MEOX1: variants seen among roughly 807,000 people sequenced by gnomAD.
MEOX1 encodes mesenchyme homeobox 1, also known as homeobox protein MOX-1.
Under a neutral mutation model 23.2 loss-of-function variants are expected in MEOX1, and 17 were observed. The observed-to-expected ratio is 0.73, with a 90% CI of 0.50 to 1.10. The LOEUF (loss-of-function observed/expected upper bound fraction) is 1.10, where lower values mean the gene tolerates loss of function less well. Ranked by LOEUF, MEOX1 falls within the 50% of genes least tolerant of loss-of-function variation. The pLI is 0.00. For synonymous variants in MEOX1, 134 were observed against 135.1 expected, an observed-to-expected ratio of 0.99 and a Z score of 0.06; for missense variants, 333 against 332.2, an observed-to-expected ratio of 1.00 and a Z score of -0.02.
intron 1 of MEOX1, among the ~76,000 whole-genome samples, chr17:43,658,969 TC>T (rs1472463512): frequency 6.6e-6 from 1 of 152,146 alleles, no homozygotes; most frequent in Non-Finnish European, 1.5e-5. Flanking sequence ...TCCACCAAAG[TC>T]TGACCCTGAA....
chr17:43,643,241 G>A (rs2154588766), intron 2 of MEOX1, among the ~76,000 whole-genome samples: 1 of 152,342 alleles, frequency 6.6e-6, no homozygotes, highest in African/African-American at 2.4e-5. Flanking sequence ...GAACCCAGGA[G>A]GTGGAGGTTA....
chr17:43,641,870 G>A lies in MEOX1; in HGVS notation c.*40C>T, dbSNP rs758925826. The A allele has an allele frequency of 1.9e-6, 3 of 1,584,104 alleles. No individual in the cohort carries two copies. The highest frequency in any genetic ancestry group is 1.3e-5 in the African/African-American group (1 of 74,370). ...GGATTGGGGTGGGGGTAGTTGGGTA[G>A]GGGGCTCAGTCCTTAGTCATTTTTC... On this transcript the variant is annotated 3_prime_UTR_variant, in exon 3 of 3. Coordinates refer to ENST00000318579, the MANE Select transcript of MEOX1 (RefSeq NM_004527.4).
intron 1 of MEOX1, among the ~76,000 whole-genome samples, chr17:43,657,464 G>A (rs1973061896): frequency 4.0e-5 from 6 of 151,784 alleles, no homozygotes; most frequent in African/African-American, 7.3e-5. Context: ...TGGGATTATA[G>A]GCATGAGCCA....
Position 43,641,935 on chromosome 17 carries a change from G to A in MEOX1, c.740C>T (p.Ser247Phe), listed in dbSNP as rs905491534. 1.9e-6 allele frequency: 3 copies of A among 1,613,924 alleles called. No individual in the cohort carries two copies. Among genetic ancestry groups the A allele is most frequent in the Non-Finnish European group, 1.7e-6 (2 of 1,179,924 alleles). Residue 247 changes from serine to phenylalanine, a missense_variant, in exon 3 of 3, where the codon TCC (serine) becomes TTC (phenylalanine). By Grantham distance (155) the Ser-to-Phe change is radical. Coordinates refer to ENST00000318579, the MANE Select transcript of MEOX1 (RefSeq NM_004527.4). ...PNGQDPEDGDSTASPSSE is the reference protein window; with the variant it reads ...PNGQDPEDGDFTASPSSE ...TCACTCTGAACTTGGAGAGGCTGTG[G>A]AGTCCCCATCCTCAGGGTCCTGCCC... is the stretch of plus-strand genomic sequence containing the variant.
intron 1 of MEOX1, among the ~76,000 whole-genome samples, chr17:43,655,046 C>T (rs1358391086): frequency 3.3e-5 from 5 of 150,832 alleles, no homozygotes; most frequent in Middle Eastern, 3.2e-3. Flanking sequence ...AGTGAGACTC[C>T]GTCTCAAAAA....
In MEOX1 at chr17:43,661,177, T is replaced by C; in HGVS notation, c.358A>G (p.Ser120Gly). ...AGGSKEMGTS[S>G]LGLVDTTGGP... ...CCTGTGGTGTCCACCAGGCCCAGGC[T>C]GCTGGTCCCCATTTCCTTGGAACCC... Residue 120 changes from serine to glycine, a missense_variant, in exon 1 of 3, where the codon AGC becomes GGC. Coordinates refer to ENST00000318579, the MANE Select transcript of MEOX1 (RefSeq NM_004527.4). The C allele has an allele frequency of 1.9e-6, 3 of 1,602,516 alleles. No homozygotes were observed. Among genetic ancestry groups the C allele is most frequent in the South Asian group, 1.1e-5 (1 of 89,056 alleles).
intron 1 of MEOX1, among the ~76,000 whole-genome samples, chr17:43,655,731 A>G (rs1973006116): frequency 6.6e-6 from 1 of 151,788 alleles, no homozygotes. Context: ...AAACTTGAGG[A>G]CATTATGCCA....
chr17:43,657,374 A>C (rs1306634252), intron 1 of MEOX1, among the ~76,000 whole-genome samples: 1 of 144,562 alleles, frequency 6.9e-6, no homozygotes, highest in East Asian at 2.0e-4. Flanking sequence ...TTTAGTAGAG[A>C]TAGGGTTTCA....
At chr17:43,654,925 G>A (rs561836171) in intron 1 of MEOX1, among the ~76,000 whole-genome samples, 6 of 152,030 alleles carry the variant, frequency 3.9e-5, no homozygotes, top group Admixed American at 1.3e-4. Flanking sequence ...GGTGGTGGGC[G>A]CCTGTAGTCC....
Position 43,661,086 on chromosome 17 carries a change from C to T in MEOX1, c.449G>A (p.Arg150Lys). 6.7e-7 allele frequency: 1 copy of T among 1,499,394 alleles called. No homozygotes were observed. Among genetic ancestry groups the T allele is most frequent in the East Asian group, 2.4e-5 (1 of 42,494 alleles). 92.9% of individuals were successfully genotyped at this position (1,499,394 alleles called of 1,614,324 possible). A position where few individuals can be genotyped will look rare whatever the true frequency, so the allele number is the denominator to read the frequency against. Reference sequence around the variant, plus strand: ...CCTACCTGAACTCTCCTTTCTCCGCCTGGATGATTTCTTCTCTGTCTCATT... The same window carrying T: ...CCTACCTGAACTCTCCTTTCTCCGCTTGGATGATTTCTTCTCTGTCTCATT... ...TANETEKKSS[R>K]RRKESSDNQE... The change falls in exon 1 of 3, where the codon AGG becomes AAG. Residue 150 changes from arginine to lysine, a missense_variant. By Grantham distance (26) the Arg-to-Lys change is conservative. Coordinates refer to ENST00000318579, the MANE Select transcript of MEOX1 (RefSeq NM_004527.4).
Position 43,661,102 on chromosome 17 carries a change from C to G in MEOX1, c.433G>C (p.Glu145Gln), listed in dbSNP as rs1475507273. The G allele has an allele frequency of 1.6e-5, 24 of 1,502,384 alleles. No homozygotes were observed. The highest frequency in any genetic ancestry group is 4.7e-5 in the East Asian group (2 of 42,644). The allele number at this position is 1,502,384 out of a possible 1,614,324, so 93.1% of individuals were successfully genotyped here. The change falls in exon 1 of 3, where the codon GAG becomes CAG. Residue 145 changes from glutamate to glutamine, a missense_variant. Coordinates refer to ENST00000318579, the MANE Select transcript of MEOX1 (RefSeq NM_004527.4). ...TTTCTCCGCCTGGATGATTTCTTCT[C>G]TGTCTCATTGGCAGTGCTCCCAAGC... ...GVLGSTANET[E>Q]KKSSRRRKES...
Position 43,641,585 on chromosome 17 carries a change from G to A in MEOX1, c.*325C>T, listed in dbSNP as rs1369419565. The A allele has an allele frequency of 2.8e-5, 6 of 214,782 alleles. No homozygotes were observed. The highest frequency in any genetic ancestry group is 2.8e-5 in the Non-Finnish European group (3 of 107,742). The allele number at this position is 214,782 out of a possible 1,614,324, so 13.3% of individuals were successfully genotyped here. On this transcript the variant is annotated 3_prime_UTR_variant, in exon 3 of 3. Transcript: ENST00000318579. Reference sequence around the variant, plus strand: ...CTGACCTAGGAGAACAGCGGTAGGAGGAGGCATGGGTGGCAGCCAAGAGAC... The same window carrying A: ...CTGACCTAGGAGAACAGCGGTAGGAAGAGGCATGGGTGGCAGCCAAGAGAC...
intron 1 of MEOX1, among the ~76,000 whole-genome samples, chr17:43,658,506 C>CAAAA (rs56142635): frequency 1.8e-5 from 2 of 108,560 alleles, no homozygotes; most frequent in Admixed American, 8.7e-5. Context: ...GACTCCATCT[C>CAAAA]AAAAAAAAAA....
chr17:43,657,778 C>T (rs1030813721), intron 1 of MEOX1, among the ~76,000 whole-genome samples: 2 of 152,164 alleles, frequency 1.3e-5, no homozygotes, highest in Non-Finnish European at 2.9e-5. Context: ...TCTGAGACAG[C>T]ATAATTGAAA....
rs1304989164 is a variant in MEOX1 at position 43,661,286 on chromosome 17, C to T, written c.249G>A (p.Glu83=). Residue 83 remains glutamate, a synonymous_variant, in exon 1 of 3, where the codon GAG becomes GAA. Transcript: ENST00000318579. ...SLPQEEHIFT[E]QHPAFPQSPN... is the part of the protein sequence containing the mutation. ...GGGACTGTGGGAAAGCGGGGTGCTG[C>T]TCAGTGAAGATGTGCTCCTCCTGGG... 1 of 1,610,974 alleles carries T rather than the reference C, an allele frequency of 6.2e-7. No individual in the cohort carries two copies. Among genetic ancestry groups the T allele is most frequent in the East Asian group, 2.2e-5 (1 of 44,790 alleles).
intron 1 of MEOX1, among the ~76,000 whole-genome samples, chr17:43,651,369 G>A (rs976316321): frequency 6.6e-6 from 1 of 152,078 alleles, no homozygotes; most frequent in Non-Finnish European, 1.5e-5. Context: ...CAGGCGGGGT[G>A]GGTTGGTGAG....
chr17:43,646,303 G>A (rs1390900694), intron 1 of MEOX1, among the ~76,000 whole-genome samples: 2 of 152,130 alleles, frequency 1.3e-5, no homozygotes, highest in African/African-American at 4.8e-5. Flanking sequence ...CCAGCGCCGC[G>A]CCCCCTCCTG....
rs869205502 is a variant in MEOX1, at chr17:43,645,171, CTTTT to C, written c.470-1515_470-1512del. On this transcript the variant is annotated intron_variant, in intron 1 of 2. Transcript: ENST00000318579. ...AAAAGACGTTTGCTTCATTAATTATCTTTTTTTTTTTTTTTTTTTTTTTGAGATG... is the reference window on the plus strand; with the variant it reads ...AAAAGACGTTTGCTTCATTAATTATCTTTTTTTTTTTTTTTTTTTGAGATG... Among the ~76,000 whole-genome samples, 435 of 99,750 alleles carry C rather than the reference CTTTT, an allele frequency of 4.4e-3. 1 individual carries two copies. Among genetic ancestry groups the C allele is most frequent in the African/African-American group, 0.021 (401 of 19,344 alleles). The allele number at this position is 99,750 out of a possible 152,430, so 65.4% of individuals were successfully genotyped here.
At chr17:43,643,380 A>G in intron 2 of MEOX1, 108 bp downstream of exon 2, 1 of 1,075,982 alleles carries the variant, frequency 9.3e-7, no homozygotes, top group East Asian at 2.7e-5. Context: ...AAACCGCTGG[A>G]CTGGCTGGAG....
Sources: gnomAD v4.1 joint callset for allele counts (sites outside exome capture counted in the v4.1 genomes callset) on GRCh38, gnomAD v4.1.1 for gene constraint, MANE v1.5 for transcripts, NCBI Gene and HGNC (gene_info 2026-07-23, HGNC 2026-07-21) for gene names.